DSCAM: variants seen among roughly 807,000 people sequenced by gnomAD.
DSCAM encodes the protein cell adhesion molecule DSCAM.
Under a neutral mutation model 217.7 loss-of-function variants are expected in DSCAM, and 47 were observed. The ratio of observed to expected loss-of-function variants is 0.22; its 90% confidence interval spans 0.17 to 0.28. The LOEUF (loss-of-function observed/expected upper bound fraction) is 0.28, where lower values mean the gene tolerates loss of function less well. Among genes scored for constraint, DSCAM ranks in the 10% least tolerant of loss-of-function variants. DSCAM has a pLI of 1.00. For missense variants in DSCAM, 2,080 were observed against 2,618.3 expected, an observed-to-expected ratio of 0.79 and a Z score of 4.49; for synonymous variants, 1,056 against 1,015.3, an observed-to-expected ratio of 1.04 and a Z score of -0.76.
At chr21:40,300,810 C>G (rs1218143926) in intron 9 of DSCAM, among the ~76,000 whole-genome samples, 1 of 152,182 alleles carries the variant, frequency 6.6e-6, no homozygotes, top group African/African-American at 2.4e-5. Flanking sequence ...GTGATTCTGA[C>G]TCAGTACATC....
intron 27 of DSCAM, among the ~76,000 whole-genome samples, chr21:40,065,653 A>G (rs1239590222): frequency 6.6e-6 from 1 of 152,064 alleles, no homozygotes; most frequent in African/African-American, 2.4e-5. Flanking sequence ...CTCTCCTCCC[A>G]GTACTCTCCT....
At chr21:40,361,962 C>T (rs1013319958) in intron 4 of DSCAM, among the ~76,000 whole-genome samples, 1 of 152,138 alleles carries the variant, frequency 6.6e-6, no homozygotes, top group African/African-American at 2.4e-5. Context: ...ATGATGTTCC[C>T]CCTCCTGTGT....
chr21:40,427,458 GGTCA>G (rs1417271891), intron 3 of DSCAM, among the ~76,000 whole-genome samples: 1 of 152,114 alleles, frequency 6.6e-6, no homozygotes, highest in African/African-American at 2.4e-5. Context: ...CTCCAATCTG[GGTCA>G]GTATCAGGAT....
At chr21:40,828,975 G>C (rs1673330220) in intron 1 of DSCAM, among the ~76,000 whole-genome samples, 1 of 152,138 alleles carries the variant, frequency 6.6e-6, no homozygotes, top group Non-Finnish European at 1.5e-5. Flanking sequence ...GTTACTACAA[G>C]GTCTGCTTCC....
At chr21:40,546,270 T>C (rs1021414334) in intron 3 of DSCAM, among the ~76,000 whole-genome samples, 4 of 152,202 alleles carry the variant, frequency 2.6e-5, no homozygotes, top group African/African-American at 9.7e-5. Context: ...ACACTCAGGG[T>C]AGCTGTGAGC....
At chr21:40,052,222 G>A in intron 29 of DSCAM, 115 bp from the exon 30 acceptor site, 1 of 1,149,596 alleles carries the variant, frequency 8.7e-7, no homozygotes. Context: ...CACAATAATA[G>A]CCCCATCTAA....
chr21:40,532,487 T>C (rs2076454969), intron 3 of DSCAM, among the ~76,000 whole-genome samples: 1 of 152,128 alleles, frequency 6.6e-6, no homozygotes, highest in African/African-American at 2.4e-5. Flanking sequence ...ATGGGGTATG[T>C]GCAGCGGTAA....
chr21:40,725,661 C>T (rs2090948494), intron 1 of DSCAM, among the ~76,000 whole-genome samples: 1 of 152,190 alleles, frequency 6.6e-6, no homozygotes, highest in Admixed American at 6.5e-5. Flanking sequence ...TAACCGAAGG[C>T]AGACCTCTGT....
At chr21:40,069,895 A>G (rs1288055217) in intron 27 of DSCAM, among the ~76,000 whole-genome samples, 1 of 152,174 alleles carries the variant, frequency 6.6e-6, no homozygotes, top group East Asian at 1.9e-4. Context: ...TTAAAAAAAG[A>G]AGGCCATATA....
chr21:40,164,125 A>G (rs57823989), intron 16 of DSCAM, among the ~76,000 whole-genome samples: 1,932 of 152,260 alleles, frequency 0.013, 46 homozygotes, highest in African/African-American at 0.044. Context: ...CATGAAACAG[A>G]CTGCAGAAGC....
chr21:40,066,217 G>A (rs2089204752), intron 27 of DSCAM, among the ~76,000 whole-genome samples: 1 of 152,218 alleles, frequency 6.6e-6, no homozygotes, highest in South Asian at 2.1e-4. Flanking sequence ...TTTGGGCACA[G>A]TCCTGTCCCT....
intron 3 of DSCAM, among the ~76,000 whole-genome samples, chr21:40,567,667 A>G (rs2076775209): frequency 6.6e-6 from 1 of 152,222 alleles, no homozygotes; most frequent in Non-Finnish European, 1.5e-5. Context: ...CTTACTCATC[A>G]GGCCCAACAT....
At position 40,085,727 on chromosome 21, in the gene DSCAM, C is replaced by T; in HGVS notation, c.4007G>A (p.Arg1336Lys). Residue 1336 changes from arginine to lysine, a missense_variant, in exon 23 of 33, where the codon AGG becomes AAG. By Grantham distance (26) the Arg-to-Lys change is conservative. This residue lies in a region of DSCAM where 1,144 missense variants were observed against 1,421.1 expected (regional missense o/e 0.81). Transcript: ENST00000400454. The part of the protein sequence containing the change: ...TPSLVTIDGR[R>K]SIFSNGSFII... ...GAAGCTTCCGTTGCTAAAGATGCTC[C>T]TCCGCCCATCAATCGTTACTAGACT... 1 of 1,579,512 alleles carries T rather than the reference C, an allele frequency of 6.3e-7. No individual in the cohort carries two copies. The highest frequency in any genetic ancestry group is 8.7e-7 in the Non-Finnish European group (1 of 1,153,876).
chr21:40,503,829 T>A (rs2076189032), intron 3 of DSCAM, among the ~76,000 whole-genome samples: 1 of 152,232 alleles, frequency 6.6e-6, no homozygotes, highest in Non-Finnish European at 1.5e-5. Context: ...GATAGTATCT[T>A]CACTGTGCAA....
At chr21:40,421,657 T>A (rs2075425464) in intron 3 of DSCAM, among the ~76,000 whole-genome samples, 1 of 152,258 alleles carries the variant, frequency 6.6e-6, no homozygotes, top group African/African-American at 2.4e-5. Context: ...AAGGGGCATA[T>A]CTTTGGCTCT....
At chr21:40,734,632 T>G (rs1381610489) in intron 1 of DSCAM, among the ~76,000 whole-genome samples, 1 of 152,204 alleles carries the variant, frequency 6.6e-6, no homozygotes. Flanking sequence ...GGTCTACAGA[T>G]AATGTTTACC....
At chr21:40,811,666 T>A (rs1330275577) in intron 1 of DSCAM, among the ~76,000 whole-genome samples, 1 of 152,114 alleles carries the variant, frequency 6.6e-6, no homozygotes, top group Non-Finnish European at 1.5e-5. Context: ...AAAGGAGAAA[T>A]CCTCATGGGT....
chr21:40,776,869 T>C (rs1403688404), intron 1 of DSCAM, among the ~76,000 whole-genome samples: 1 of 152,208 alleles, frequency 6.6e-6, no homozygotes, highest in Admixed American at 6.5e-5. Context: ...ATATTCCCTT[T>C]AAGCTTCCTT....
chr21:40,455,378 A>T (rs1316209828), intron 3 of DSCAM, among the ~76,000 whole-genome samples: 1 of 152,198 alleles, frequency 6.6e-6, no homozygotes, highest in Admixed American at 6.5e-5. Context: ...TACTTGAAAG[A>T]AAAAAAGGGA....
Sources: allele counts gnomAD v4.1 joint callset (sites outside exome capture counted in the v4.1 genomes callset), GRCh38; gene constraint gnomAD v4.1.1; regional missense constraint gnomAD v4.1.1; transcripts MANE v1.5; gene names NCBI Gene and HGNC (gene_info 2026-07-23, HGNC 2026-07-21).